Variants in ZNF143 observed in about 807,000 individuals in gnomAD.
ZNF143 encodes the protein zinc finger protein 143.
A neutral mutation model predicts 74.1 loss-of-function variants in ZNF143; 49 were observed. That is an observed-to-expected ratio of 0.66 (90% CI 0.53 to 0.84). The LOEUF (loss-of-function observed/expected upper bound fraction) is 0.84. Ranked by LOEUF, ZNF143 falls within the 40% of genes least tolerant of loss-of-function variation. The pLI is 0.00. For missense variants in ZNF143, 637 were observed against 793.4 expected, an observed-to-expected ratio of 0.80 and a Z score of 2.37; for synonymous variants, 304 against 282.8, an observed-to-expected ratio of 1.07 and a Z score of -0.75.
At chr11:9,488,367 G>A (rs995924571) in intron 7 of ZNF143, among the ~76,000 whole-genome samples, 13 of 152,098 alleles carry the variant, frequency 8.5e-5, no homozygotes, top group African/African-American at 3.1e-4. Flanking sequence ...TTGCTGTTCA[G>A]GGTAGTATTT....
chr11:9,477,113 C>CCCTTCCTT (rs370473998), intron 5 of ZNF143, among the ~76,000 whole-genome samples: 3,914 of 70,434 alleles, frequency 0.056, 218 homozygotes, highest in Admixed American at 0.11. Flanking sequence ...AAGTCTGCAC[C>CCCTTCCTT]CCTTCCTTCC....
chr11:9,476,884 G>A (rs936063318), intron 5 of ZNF143, among the ~76,000 whole-genome samples: 27 of 143,210 alleles, frequency 1.9e-4, no homozygotes, highest in Admixed American at 1.0e-3. Context: ...CTCAGCCTTC[G>A]GAGTAGCTGG....
At position 9,527,626 on chromosome 11, in the gene ZNF143, T is replaced by C. The variant is rs1009737523; in HGVS notation, c.*13T>C. 1.2e-6 allele frequency: 2 copies of C among 1,611,492 alleles called. No homozygotes were observed. Among genetic ancestry groups the C allele is most frequent in the Admixed American group, 3.3e-5 (2 of 59,948 alleles). ...GTTGGATGATTAATCCTCAGAACAA[T>C]GGAGCAATAAAGCAGAAGGAGTCTT... On this transcript the variant is annotated 3_prime_UTR_variant, in exon 16 of 16. Transcript: ENST00000396602.
At chr11:9,462,720 C>G (rs1027465093) in intron 1 of ZNF143, among the ~76,000 whole-genome samples, 2 of 151,852 alleles carry the variant, frequency 1.3e-5, no homozygotes, top group Admixed American at 1.3e-4. Context: ...GCGAAAAATA[C>G]AAAAATTAGC....
chr11:9,479,724 G>C (rs1457694428), intron 7 of ZNF143, among the ~76,000 whole-genome samples, 178 bp downstream of exon 7: 2 of 152,146 alleles, frequency 1.3e-5, no homozygotes, highest in Non-Finnish European at 2.9e-5. Context: ...GTGTTCATTG[G>C]TGGATGCAAA....
chr11:9,522,959 G>A (rs926523257), intron 14 of ZNF143, among the ~76,000 whole-genome samples: 8 of 151,440 alleles, frequency 5.3e-5, no homozygotes, highest in African/African-American at 1.9e-4. Flanking sequence ...AGTAGAGGTG[G>A]GGTTTCACCA....
At chr11:9,488,571 C>T (rs2134002905) in intron 7 of ZNF143, among the ~76,000 whole-genome samples, 1 of 152,262 alleles carries the variant, frequency 6.6e-6, no homozygotes, top group East Asian at 1.9e-4. Flanking sequence ...AGACAGCTTG[C>T]CCTAACCTAC....
At chr11:9,505,975 A>G (rs1477791008) in intron 11 of ZNF143, among the ~76,000 whole-genome samples, 1 of 152,132 alleles carries the variant, frequency 6.6e-6, no homozygotes, top group African/African-American at 2.4e-5. Context: ...ATTTGGAGAA[A>G]ATGGCTGGGG....
At chr11:9,485,379 G>T (rs1428458741) in intron 7 of ZNF143, among the ~76,000 whole-genome samples, 1 of 117,358 alleles carries the variant, frequency 8.5e-6, no homozygotes, top group Non-Finnish European at 1.6e-5. Context: ...GAGAAGTCTC[G>T]CTATGTCACC....
chr11:9,461,841 T>C (rs935928285), intron 1 of ZNF143: 11 of 152,170 alleles, frequency 7.2e-5, no homozygotes, highest in African/African-American at 2.7e-4. Context: ...AATAACGAAG[T>C]TAAAAAGAGG....
At chr11:9,471,996 C>T (rs1225555457) in intron 2 of ZNF143, among the ~76,000 whole-genome samples, 2 of 148,218 alleles carry the variant, frequency 1.3e-5, no homozygotes, top group African/African-American at 5.0e-5. Flanking sequence ...GTGGTATGAT[C>T]ACGGCTCACT....
chr11:9,510,385 A>G (rs368976027), intron 12 of ZNF143, among the ~76,000 whole-genome samples: 1 of 152,112 alleles, frequency 6.6e-6, no homozygotes, highest in Non-Finnish European at 1.5e-5. Flanking sequence ...CGGCCTCCCA[A>G]AGTGCTGGGA....
rs138004691 is a variant in ZNF143 at position 9,496,584 on chromosome 11, GTTTTCT to G, written c.841+229_841+234del. On this transcript the variant is annotated intron_variant, in intron 9 of 15. Coordinates refer to ENST00000396602, the MANE Select transcript of ZNF143 (RefSeq NM_003442.6). The stretch of plus-strand genomic sequence containing the variant: ...CCACTGACCTGTCTCTGCCTGCTGT[GTTTTCT>G]TTTTCTTTTTCTTTTTCTTTTTTTT... 2.7e-3 allele frequency among the ~76,000 whole-genome samples: 413 copies of G among 151,330 alleles called. 1 individual carries two copies. The highest frequency in any genetic ancestry group is 0.017 in the Middle Eastern group (5 of 294).
chr11:9,500,500 C>T (rs1051114823), intron 10 of ZNF143, among the ~76,000 whole-genome samples: 1 of 151,766 alleles, frequency 6.6e-6, no homozygotes, highest in Admixed American at 6.6e-5. Context: ...ACGGTGTAAT[C>T]TCGGCTCACT....
chr11:9,497,014 G>A (rs1847982164), intron 9 of ZNF143, among the ~76,000 whole-genome samples: 1 of 152,194 alleles, frequency 6.6e-6, no homozygotes, highest in Non-Finnish European at 1.5e-5. Flanking sequence ...CCTTAGCAAT[G>A]GGATGAGGCC....
chr11:9,497,673 A>AG lies in ZNF143; in HGVS notation c.842dup. On this transcript the variant is annotated splice_acceptor_variant, in intron 9 of 15. Transcript: ENST00000396602. LOFTEE classifies it high-confidence loss of function. ...TAAATTTCTTTTAATTTTTTCTTAA[A>AG]GGTTATGGATTAAAAAGTCACGTCA... 6.3e-7 allele frequency: 1 copy of AG among 1,585,102 alleles called. No individual in the cohort carries two copies. The highest frequency in any genetic ancestry group is 1.4e-5 in the African/African-American group (1 of 73,406).
At chr11:9,466,063 A>G (rs866662209) in intron 1 of ZNF143, among the ~76,000 whole-genome samples, 2 of 151,178 alleles carry the variant, frequency 1.3e-5, no homozygotes, top group South Asian at 2.1e-4. Context: ...GCTCACTGCA[A>G]CCTCCAGCTC....
At chr11:9,508,899 T>C in intron 12 of ZNF143, 53 bp downstream of exon 12, 1 of 1,499,592 alleles carries the variant, frequency 6.7e-7, no homozygotes, top group Non-Finnish European at 9.1e-7. Flanking sequence ...TCAACAGTTA[T>C]GAACATAATT....
At chr11:9,514,846 G>C (rs1312603000) in intron 13 of ZNF143, among the ~76,000 whole-genome samples, 2 of 152,168 alleles carry the variant, frequency 1.3e-5, no homozygotes, top group East Asian at 3.8e-4. Context: ...TAAGAAGTCT[G>C]GGCTGGGCAC....
Sources: gnomAD v4.1 joint callset for allele counts (sites outside exome capture counted in the v4.1 genomes callset) on GRCh38, gnomAD v4.1.1 for gene constraint, MANE v1.5 for transcripts, NCBI Gene and HGNC (gene_info 2026-07-23, HGNC 2026-07-21) for gene names.